KIF6: variants seen among roughly 807,000 people sequenced by gnomAD.
The protein encoded by KIF6 is kinesin family member 6.
KIF6 carries 106 observed loss-of-function variants against 112.7 expected under a neutral mutation model. The ratio of observed to expected loss-of-function variants is 0.94; its 90% CI spans 0.80 to 1.11. The LOEUF is 1.11. KIF6 is among the 50% of genes least tolerant of loss of function. The probability of loss-of-function intolerance (pLI) is 0.00; values close to 1 mark genes in which losing one functional copy is unlikely to be tolerated. For missense variants in KIF6, 929 were observed against 964.0 expected (o/e 0.96, Z 0.48); for synonymous variants, 339 against 339.9 (o/e 1.00, Z 0.03).
chr6:39,609,888 C>G (rs1381796743), intron 6 of KIF6, among the ~76,000 whole-genome samples: 3 of 152,176 alleles, frequency 2.0e-5, no homozygotes, highest in Non-Finnish European at 2.9e-5. Context: ...GATTCTGAAT[C>G]CATCAACCAG....
intron 16 of KIF6, among the ~76,000 whole-genome samples, chr6:39,381,021 A>G (rs1216905902): frequency 6.6e-6 from 1 of 152,206 alleles, no homozygotes; most frequent in Non-Finnish European, 1.5e-5. Flanking sequence ...CCAGCTCAGC[A>G]CACCACTGGG....
At chr6:39,431,865 C>T (rs1481573176) in intron 13 of KIF6, among the ~76,000 whole-genome samples, 1 of 152,186 alleles carries the variant, frequency 6.6e-6, no homozygotes, top group African/African-American at 2.4e-5. Flanking sequence ...CTCCTCACCA[C>T]CTCCCGGAGT....
chr6:39,399,714 G>T (rs959558543), intron 15 of KIF6, among the ~76,000 whole-genome samples: 1 of 152,264 alleles, frequency 6.6e-6, no homozygotes, highest in Non-Finnish European at 1.5e-5. Flanking sequence ...GCCTGAGGGT[G>T]TGTGGAAGCC....
chr6:39,504,076 T>C (rs1252683944), intron 13 of KIF6, among the ~76,000 whole-genome samples: 1 of 151,992 alleles, frequency 6.6e-6, no homozygotes, highest in Non-Finnish European at 1.5e-5. Flanking sequence ...CAGGCCAATA[T>C]TCTTGATGAA....
intron 13 of KIF6, among the ~76,000 whole-genome samples, chr6:39,452,311 T>A (rs904477948): frequency 6.6e-6 from 1 of 152,320 alleles, no homozygotes; most frequent in Middle Eastern, 3.4e-3. Context: ...TTGGCATTCA[T>A]CTGTGGTGAA....
At chr6:39,570,718 TA>T (rs1780594100) in intron 10 of KIF6, among the ~76,000 whole-genome samples, 1 of 152,140 alleles carries the variant, frequency 6.6e-6, no homozygotes, top group African/African-American at 2.4e-5. Flanking sequence ...GATGGTTTTA[TA>T]AGAGGCTTTT....
intron 3 of KIF6, among the ~76,000 whole-genome samples, chr6:39,669,158 T>C (rs1344586139): frequency 6.6e-6 from 1 of 152,154 alleles, no homozygotes; most frequent in Non-Finnish European, 1.5e-5. Flanking sequence ...AATAAATACA[T>C]AGGAAAATCT....
At chr6:39,563,377 T>C (rs878986717) in intron 10 of KIF6, among the ~76,000 whole-genome samples, 14 of 152,228 alleles carry the variant, frequency 9.2e-5, no homozygotes, top group Admixed American at 5.2e-4. Flanking sequence ...TCTATGTACA[T>C]AGCATATACA....
intron 3 of KIF6, among the ~76,000 whole-genome samples, chr6:39,658,132 T>A (rs1242264989): frequency 6.6e-6 from 1 of 152,216 alleles, no homozygotes; most frequent in African/African-American, 2.4e-5. Flanking sequence ...CATTATGTGT[T>A]AAGTTTAGAC....
intron 13 of KIF6, among the ~76,000 whole-genome samples, chr6:39,513,581 G>A (rs551722376): frequency 6.6e-5 from 10 of 152,312 alleles, no homozygotes; most frequent in African/African-American, 1.9e-4. Context: ...GTCTGGAAGT[G>A]TGGAGTGCTG....
At chr6:39,624,276 C>T (rs145934125) in intron 5 of KIF6, among the ~76,000 whole-genome samples, 1,658 of 152,220 alleles carry the variant, frequency 0.011, 12 homozygotes, top group Non-Finnish European at 0.018. Flanking sequence ...TTATAATGCA[C>T]TCAAAAGAGC....
At chr6:39,450,911 T>C (rs1772660580) in intron 13 of KIF6, among the ~76,000 whole-genome samples, 1 of 152,238 alleles carries the variant, frequency 6.6e-6, no homozygotes. Context: ...TGATACTATA[T>C]ATACAATTTT....
rs72860069 is a variant in KIF6, at chr6:39,388,227, A to G, written c.1811-2555T>C. Among the ~76,000 whole-genome samples, 2,356 of 151,944 alleles carry G rather than the reference A, an allele frequency of 0.016. 131 individuals carry two copies. In the East Asian group the frequency reaches 0.2, roughly 13 times the overall value. On this transcript the variant is annotated intron_variant, in intron 15 of 22. Transcript: ENST00000287152. ...GGTGTGCTCAACCTGGTATGTTACAATTTCTTCAGCGCCTATTGGAACGAC... is the reference window on the plus strand; with the variant it reads ...GGTGTGCTCAACCTGGTATGTTACAGTTTCTTCAGCGCCTATTGGAACGAC...
intron 3 of KIF6, among the ~76,000 whole-genome samples, chr6:39,685,885 CTCTT>C (rs1787836044): frequency 6.6e-6 from 1 of 152,226 alleles, no homozygotes; most frequent in African/African-American, 2.4e-5. Context: ...TTTGGGCAAT[CTCTT>C]TATTTACTTT....
chr6:39,450,765 A>T (rs1667330902), intron 13 of KIF6, among the ~76,000 whole-genome samples: 1 of 152,198 alleles, frequency 6.6e-6, no homozygotes, highest in Non-Finnish European at 1.5e-5. Flanking sequence ...TAATCGCACC[A>T]CTGCACTCCA....
chr6:39,461,935 T>C (rs1194999319), intron 13 of KIF6, among the ~76,000 whole-genome samples: 1 of 152,198 alleles, frequency 6.6e-6, no homozygotes, highest in African/African-American at 2.4e-5. Context: ...GAAAGTTGTA[T>C]GTAATAGAGA....
intron 13 of KIF6, among the ~76,000 whole-genome samples, chr6:39,469,057 A>G (rs1773971989): frequency 6.6e-6 from 1 of 152,074 alleles, no homozygotes; most frequent in African/African-American, 2.4e-5. Flanking sequence ...GCATGAATAG[A>G]GATATATAGG....
At chr6:39,354,586 A>G (rs918362397) in intron 19 of KIF6, among the ~76,000 whole-genome samples, 1 of 152,176 alleles carries the variant, frequency 6.6e-6, no homozygotes, top group Admixed American at 6.5e-5. Flanking sequence ...CATTTGACCT[A>G]CTTCTCCGTT....
chr6:39,648,346 G>GTTAGGGTA (rs1785290252), intron 3 of KIF6, among the ~76,000 whole-genome samples: 1 of 152,022 alleles, frequency 6.6e-6, no homozygotes, highest in Non-Finnish European at 1.5e-5. Flanking sequence ...CCAGCCAAGG[G>GTTAGGGTA]CCTTGATTTT....
Sources: allele counts gnomAD v4.1 joint callset (sites outside exome capture counted in the v4.1 genomes callset), GRCh38; gene constraint gnomAD v4.1.1; transcripts MANE v1.5; gene names NCBI Gene and HGNC (gene_info 2026-07-23, HGNC 2026-07-21).